The following ZNF669 variants were observed in gnomAD, a reference collection of about 807,000 sequenced individuals.
ZNF669 encodes zinc finger protein 669.
A neutral mutation model predicts 11.4 loss-of-function variants in ZNF669; 7 were observed. The ratio of observed to expected loss-of-function variants is 0.62; its 90% CI spans 0.35 to 1.16. ZNF669 has a LOEUF of 1.16. Ranked by LOEUF, ZNF669 falls within the 50% of genes most tolerant of loss-of-function variation. The pLI, the probability that ZNF669 is intolerant of heterozygous loss-of-function variation, is 0.02. For missense variants in ZNF669, 492 were observed against 463.6 expected, an observed-to-expected ratio of 1.06 and a Z score of -0.56; for synonymous variants, 153 against 155.8, an observed-to-expected ratio of 0.98 and a Z score of 0.13.
chr1:247,101,695 C>A, intron 3 of ZNF669, 36 bp downstream of exon 3: 1 of 1,572,800 alleles, frequency 6.4e-7, no homozygotes, highest in South Asian at 1.2e-5. Flanking sequence ...AAGATTCCTT[C>A]AGAGGACTTT....
Position 247,101,309 on chromosome 1 carries a change from C to T in ZNF669, c.202G>A (p.Val68Ile), listed in dbSNP as rs77737647. ...KPGKDIRNHI[V>I]QRLCESKEDG... is the part of the protein sequence containing the mutation. Reference sequence around the variant, plus strand: ...TCTTTACTTTCACACAGTCTCTGTACGATATGATTTCTGTAAAAAAATGAC... The same window carrying T: ...TCTTTACTTTCACACAGTCTCTGTATGATATGATTTCTGTAAAAAAATGAC... The change falls in exon 4 of 4, where the codon GTA (valine) becomes ATA (isoleucine). Residue 68 changes from valine to isoleucine, a missense_variant. Transcript: ENST00000448299. 295 of 1,557,350 alleles carry T rather than the reference C, an allele frequency of 1.9e-4. 1 individual carries two copies. In the African/African-American group the frequency reaches 3.3e-3, roughly 18 times the overall value.
In ZNF669 at chr1:247,104,250, G is replaced by A; in HGVS notation, c.-51C>T. On this transcript the variant is annotated 5_prime_UTR_variant, in exon 1 of 4. Coordinates refer to ENST00000448299, the MANE Select transcript of ZNF669 (RefSeq NM_001142572.2). ...GTCAGCTAGGGATGTCCCAATACTC[G>A]CAGGTCACAGGGTGGCAGAGGCTGC... The A allele has an allele frequency of 6.7e-7, 1 of 1,489,684 alleles. No individual in the cohort carries two copies. Among genetic ancestry groups the A allele is most frequent in the Middle Eastern group, 1.8e-4 (1 of 5,518 alleles). The allele number at this position is 1,489,684 out of a possible 1,614,324, so 92.3% of individuals were successfully genotyped here.
chr1:247,101,926 A>G (rs1323683149), intron 2 of ZNF669, 61 bp downstream of exon 2: 3 of 1,611,324 alleles, frequency 1.9e-6, no homozygotes, highest in Non-Finnish European at 8.5e-7. Flanking sequence ...TCCAAATCAT[A>G]AATAGCACTG....
chr1:247,103,206 G>A (rs1338461066), intron 1 of ZNF669, among the ~76,000 whole-genome samples: 4 of 152,176 alleles, frequency 2.6e-5, no homozygotes, highest in Admixed American at 2.0e-4. Context: ...GTTTTCACAG[G>A]GGGACATCAA....
At chr1:247,101,375 T>A in intron 3 of ZNF669, 56 bp from the exon 4 acceptor site, 1 of 1,500,740 alleles carries the variant, frequency 6.7e-7, no homozygotes, top group Non-Finnish European at 8.8e-7. Context: ...AACTTTCTAC[T>A]TATTAATAGG....
Position 247,104,340 on chromosome 1 carries a change from T to G in ZNF669, c.-141A>C, listed in dbSNP as rs1671800742. Reference sequence around the variant, plus strand: ...GCGGAGACTAACAGGAAGAGCCGGCTCCGGCGAAGGAGAGACAAAGCAACC... The same window carrying G: ...GCGGAGACTAACAGGAAGAGCCGGCGCCGGCGAAGGAGAGACAAAGCAACC... On this transcript the variant is annotated 5_prime_UTR_variant, in exon 1 of 4. Coordinates refer to ENST00000448299, the MANE Select transcript of ZNF669 (RefSeq NM_001142572.2). 1 of 1,217,586 alleles carries G rather than the reference T, an allele frequency of 8.2e-7. No homozygotes were observed. The highest frequency in any genetic ancestry group is 1.1e-6 in the Non-Finnish European group (1 of 926,876). 75.4% of individuals were successfully genotyped at this position (1,217,586 alleles called of 1,614,324 possible). A position where few individuals can be genotyped will look rare whatever the true frequency, so the allele number is the denominator to read the frequency against.
intron 1 of ZNF669, chr1:247,103,804 C>T: frequency 8.2e-7 from 1 of 1,226,138 alleles, no homozygotes; most frequent in Non-Finnish European, 1.1e-6. Flanking sequence ...TTAACAAAGC[C>T]TCGGCTTAAT....
chr1:247,101,968 AAT>A lies in ZNF669; in HGVS notation c.130+17_130+18del, dbSNP rs1164848008. The A allele has an allele frequency of 6.2e-7, 1 of 1,613,988 alleles. No individual in the cohort carries two copies. On this transcript the variant is annotated intron_variant, in intron 2 of 3. Transcript: ENST00000448299. ...GGGAAAGACTTCTGTAATTAACTGA[AAT>A]GTGTTGTCATTCTTACCTACAGAAG...
In ZNF669 at chr1:247,100,901, A is replaced by C; in HGVS notation, c.610T>G (p.Ser204Ala). 1 of 1,614,146 alleles carries C rather than the reference A, an allele frequency of 6.2e-7. No homozygotes were observed. The highest frequency in any genetic ancestry group is 1.3e-5 in the African/African-American group (1 of 75,068). The change falls in exon 4 of 4, where the codon TCC becomes GCC. Residue 204 changes from serine (S) to alanine (A), a missense_variant. Transcript: ENST00000448299. Reference sequence around the variant, plus strand: ...CGTTCATGTATTAGACAAGAACCGGAAACAGTGAATGCTTTACCACATTGT... The same window carrying C: ...CGTTCATGTATTAGACAAGAACCGGCAACAGTGAATGCTTTACCACATTGT... Reference protein sequence around the residue: ...CKQCGKAFTVSGSCLIHERTH... With the variant: ...CKQCGKAFTVAGSCLIHERTH...
rs751240541 is a variant in ZNF669 at position 247,100,920 on chromosome 1, A to G, written c.591T>C (p.Cys197=). ...AACCGGAAACAGTGAATGCTTTACC[A>G]CATTGTTTACATTTATAGGGTTTTT... ...TGEKPYKCKQ[C]GKAFTVSGSC... Residue 197 remains cysteine, a synonymous_variant, in exon 4 of 4, where the codon TGT becomes TGC. Coordinates refer to ENST00000448299, the MANE Select transcript of ZNF669 (RefSeq NM_001142572.2). 1.2e-6 allele frequency: 2 copies of G among 1,613,926 alleles called. No individual in the cohort carries two copies. The highest frequency in any genetic ancestry group is 1.7e-6 in the Non-Finnish European group (2 of 1,180,004).
rs775714526 is a variant in ZNF669, at chr1:247,104,180, AG to A, written c.3+16del. On this transcript the variant is annotated intron_variant, in intron 1 of 3. Coordinates refer to ENST00000448299, the MANE Select transcript of ZNF669 (RefSeq NM_001142572.2). ...GCCCTCTTCTCCACTTCGGGAAGCC[AG>A]GCGCAGTCCACTCACCATTCCTCGG... The A allele has an allele frequency of 3.3e-6, 5 of 1,532,620 alleles. No individual in the cohort carries two copies. The highest frequency in any genetic ancestry group is 4.4e-6 in the Non-Finnish European group (5 of 1,141,182). The allele number at this position is 1,532,620 out of a possible 1,614,324, so 94.9% of individuals were successfully genotyped here. A position where few individuals can be genotyped will look rare whatever the true frequency, so the allele number is the denominator to read the frequency against.
At position 247,101,745 on chromosome 1, in the gene ZNF669, A is replaced by G. The variant is rs1347174353; in HGVS notation, c.177T>C (p.Pro59=). 3 of 1,613,968 alleles carry G rather than the reference A, an allele frequency of 1.9e-6. No individual in the cohort carries two copies. In the East Asian group the frequency reaches 6.7e-5, roughly 36 times the overall value. The change falls in exon 3 of 4, where the codon CCT becomes CCC. Residue 59 remains proline (P), a synonymous_variant. Coordinates refer to ENST00000448299, the MANE Select transcript of ZNF669 (RefSeq NM_001142572.2). ...GTGCAAATTACCTTATATCTTTCCC[A>G]GGTTTTTCGAAGTGATCTTCAATAT... ...DQNIEDHFEK[P]GKDIRNHIVQ... is the part of the protein sequence containing the mutation.
chr1:247,102,120 C>T lies in ZNF669; in HGVS notation c.4-7G>A. ...CCTCAAAAGCCACCGAGTCCTAGAA[C>T]ATTCCACACATGTGGATAGAAGGAT... is the stretch of plus-strand genomic sequence containing the variant. On this transcript the variant is annotated splice_polypyrimidine_tract_variant and splice_region_variant and intron_variant, in intron 1 of 3. Transcript: ENST00000448299. 8.8e-6 allele frequency: 14 copies of T among 1,591,950 alleles called. No homozygotes were observed. Among genetic ancestry groups the T allele is most frequent in the Non-Finnish European group, 1.2e-5 (14 of 1,170,204 alleles).
At chr1:247,102,685 T>C (rs1028718912) in intron 1 of ZNF669, among the ~76,000 whole-genome samples, 3 of 152,192 alleles carry the variant, frequency 2.0e-5, no homozygotes, top group Admixed American at 6.5e-5. Context: ...CAAAACACAG[T>C]CTGAACACTA....
chr1:247,103,922 C>G, intron 1 of ZNF669: 3 of 1,586,210 alleles, frequency 1.9e-6, no homozygotes, highest in Non-Finnish European at 2.6e-6. Flanking sequence ...ATCACCCTCC[C>G]GTGGTCACCA....
At chr1:247,104,120 G>A in intron 1 of ZNF669, 77 bp downstream of exon 1, 1 of 1,594,914 alleles carries the variant, frequency 6.3e-7, no homozygotes, top group Non-Finnish European at 8.5e-7. Context: ...CCGATGGCGT[G>A]GAGGCCCGAG....
Position 247,102,021 on chromosome 1 carries a change from C to A in ZNF669, c.96G>T (p.Val32=), listed in dbSNP as rs1202557158. 4 of 1,613,838 alleles carry A rather than the reference C, an allele frequency of 2.5e-6. No individual in the cohort carries two copies. The highest frequency in any genetic ancestry group is 2.5e-6 in the Non-Finnish European group (3 of 1,179,928). ...CCAGGTTCCTGCAGGTTTCCTGCAT[C>A]ACTTCTCTGTAGAGATTCTTCTGAG... ...DSSQKNLYRE[V]MQETCRNLAS... Residue 32 remains valine (V), a synonymous_variant, in exon 2 of 4, where the codon GTG becomes GTT. Coordinates refer to ENST00000448299, the MANE Select transcript of ZNF669 (RefSeq NM_001142572.2).
At chr1:247,103,495 G>A (rs1333470110) in intron 1 of ZNF669, among the ~76,000 whole-genome samples, 2 of 151,856 alleles carry the variant, frequency 1.3e-5, no homozygotes, top group African/African-American at 2.4e-5. Flanking sequence ...TTAGCTGGGC[G>A]TGGTGGCGGG....
At chr1:247,102,929 T>G (rs551277463) in intron 1 of ZNF669, among the ~76,000 whole-genome samples, 2 of 152,372 alleles carry the variant, frequency 1.3e-5, no homozygotes, top group African/African-American at 4.8e-5. Flanking sequence ...CACATGTTTT[T>G]TAAAATGACA....
Sources: gnomAD v4.1 joint callset for allele counts (sites outside exome capture counted in the v4.1 genomes callset) on GRCh38, gnomAD v4.1.1 for gene constraint, MANE v1.5 for transcripts, NCBI Gene and HGNC (gene_info 2026-07-23, HGNC 2026-07-21) for gene names.